Variants in CNTLN observed in about 807,000 individuals in gnomAD.
CNTLN encodes centlein, centrosomal protein.
CNTLN carries 212 observed loss-of-function variants against 180.0 expected under a neutral mutation model. The ratio of observed to expected loss-of-function variants is 1.18; its 90% CI spans 1.05 to 1.32. The LOEUF is 1.32. Ranked by LOEUF, CNTLN falls within the 40% of genes most tolerant of loss-of-function variation. The probability of loss-of-function intolerance (pLI) is 0.00; values close to 1 mark genes in which losing one functional copy is unlikely to be tolerated. For synonymous variants in CNTLN, 722 were observed against 563.1 expected (o/e 1.28, Z -3.99); for missense variants, 2,095 against 1,610.9 (o/e 1.30, Z -5.14).
chr9:17,385,283 T>G (rs1294166085), intron 13 of CNTLN, among the ~76,000 whole-genome samples: 2 of 152,218 alleles, frequency 1.3e-5, no homozygotes, highest in Non-Finnish European at 2.9e-5. Flanking sequence ...TTCCATTAAG[T>G]AGCCATCATT....
At chr9:17,513,672 C>A in the CNTLN span, among the ~76,000 whole-genome samples, 1 of 151,984 alleles carries the variant, frequency 6.6e-6, no homozygotes, top group African/African-American at 2.4e-5. Context: ...ACTCCACACT[C>A]CAGCCTGGGC....
At chr9:17,444,029 A>C (rs553960536) in intron 18 of CNTLN, among the ~76,000 whole-genome samples, 1 of 152,364 alleles carries the variant, frequency 6.6e-6, no homozygotes, top group Non-Finnish European at 1.5e-5. Context: ...CTGTATTAAC[A>C]AGACTGTCTT....
chr9:17,226,574 C>T (rs1587244072), intron 3 of CNTLN, among the ~76,000 whole-genome samples: 2 of 151,842 alleles, frequency 1.3e-5, no homozygotes, highest in East Asian at 3.9e-4. Context: ...ACATTATTAG[C>T]AGTTATCATT....
At chr9:17,511,664 A>T in the CNTLN span, among the ~76,000 whole-genome samples, 1,074 of 151,724 alleles carry the variant, frequency 7.1e-3, 6 homozygotes, top group East Asian at 0.011. Flanking sequence ...ACACACACAC[A>T]CACACACGCA....
At chr9:17,137,054 C>G (rs779254600) in intron 1 of CNTLN, among the ~76,000 whole-genome samples, 4 of 152,292 alleles carry the variant, frequency 2.6e-5, no homozygotes, top group Admixed American at 6.5e-5. Context: ...CTATTGGAAA[C>G]AGCCTGATGA....
intron 10 of CNTLN, among the ~76,000 whole-genome samples, chr9:17,338,533 A>G (rs1258196081): frequency 2.6e-5 from 4 of 151,568 alleles, no homozygotes; most frequent in African/African-American, 9.7e-5. Context: ...GAAATCACTA[A>G]TATTGTTTTC....
At chr9:17,465,467 T>C (rs1040694044) in intron 21 of CNTLN, among the ~76,000 whole-genome samples, 1 of 150,582 alleles carries the variant, frequency 6.6e-6, no homozygotes, top group African/African-American at 2.4e-5. Context: ...CATATATCTT[T>C]AGTGGCATTA....
At position 17,257,040 on chromosome 9, in the gene CNTLN, T is replaced by C. The variant is rs2132322479; in HGVS notation, c.850-16693T>C. Among the ~76,000 whole-genome samples, 2 of 152,164 alleles carry C rather than the reference T, an allele frequency of 1.3e-5. 1 individual carries two copies. The highest frequency in any genetic ancestry group is 4.8e-5 in the African/African-American group (2 of 41,530). On this transcript the variant is annotated intron_variant, in intron 5 of 25. Transcript: ENST00000380647. The stretch of plus-strand genomic sequence containing the variant: ...GTGCACATTGTGCAGGTTAGTTACA[T>C]ATGTATACATGTGCCATGCTGGTGC...
chr9:17,377,257 A>C (rs1312913623), intron 13 of CNTLN, among the ~76,000 whole-genome samples: 1 of 152,164 alleles, frequency 6.6e-6, no homozygotes, highest in Non-Finnish European at 1.5e-5. Flanking sequence ...GATAAAATTC[A>C]AAGTATTACT....
At chr9:17,200,563 C>T (rs556149744) in intron 2 of CNTLN, among the ~76,000 whole-genome samples, 2 of 152,102 alleles carry the variant, frequency 1.3e-5, no homozygotes, top group East Asian at 3.9e-4. Context: ...TCCCTTGTAA[C>T]ATGTATTCCT....
At chr9:17,175,310 A>G (rs191230574) in intron 2 of CNTLN, among the ~76,000 whole-genome samples, 13 of 152,162 alleles carry the variant, frequency 8.5e-5, no homozygotes, top group Admixed American at 2.0e-4. Context: ...TTGAGTTACT[A>G]TTTGTTTAAG....
intron 2 of CNTLN, among the ~76,000 whole-genome samples, chr9:17,212,164 C>T (rs530477944): frequency 8.5e-5 from 13 of 152,168 alleles, no homozygotes; most frequent in African/African-American, 3.1e-4. Flanking sequence ...CAGTTTTTGC[C>T]CATTCAGTAT....
intron 5 of CNTLN, 29 bp from the exon 6 acceptor site, chr9:17,273,704 G>T: frequency 8.1e-7 from 1 of 1,233,072 alleles, no homozygotes; most frequent in Non-Finnish European, 1.1e-6. Context: ...TATTATGTTT[G>T]ATTATTGATA....
At chr9:17,192,097 C>T (rs976494525) in intron 2 of CNTLN, among the ~76,000 whole-genome samples, 1 of 152,056 alleles carries the variant, frequency 6.6e-6, no homozygotes, top group African/African-American at 2.4e-5. Context: ...ATTTGTGATT[C>T]TATGTGTTCA....
At chr9:17,177,119 C>G (rs919974263) in intron 2 of CNTLN, among the ~76,000 whole-genome samples, 2 of 151,918 alleles carry the variant, frequency 1.3e-5, no homozygotes, top group African/African-American at 4.8e-5. Context: ...CAATAATTTT[C>G]AGTTTCTTGG....
intron 12 of CNTLN, among the ~76,000 whole-genome samples, chr9:17,362,153 C>T (rs920209036): frequency 6.6e-6 from 1 of 152,172 alleles, no homozygotes; most frequent in Non-Finnish European, 1.5e-5. Context: ...TTTTAAGAAG[C>T]AAGAAATAAC....
At chr9:17,441,202 G>T (rs1461288293) in intron 18 of CNTLN, among the ~76,000 whole-genome samples, 1 of 152,092 alleles carries the variant, frequency 6.6e-6, no homozygotes, top group Non-Finnish European at 1.5e-5. Context: ...TTTCTTAGAA[G>T]AAATACTAAA....
intron 6 of CNTLN, among the ~76,000 whole-genome samples, chr9:17,278,617 A>G (rs908174588): frequency 2.6e-5 from 4 of 152,146 alleles, no homozygotes; most frequent in Non-Finnish European, 5.9e-5. Flanking sequence ...TACTGCATAT[A>G]GTTTTACTGT....
Position 17,409,351 on chromosome 9 carries a change from C to A in CNTLN, c.2674C>A (p.Gln892Lys). The A allele has an allele frequency of 6.2e-7, 1 of 1,613,188 alleles. No individual in the cohort carries two copies. The highest frequency in any genetic ancestry group is 1.3e-5 in the African/African-American group (1 of 74,952). ...TLGTIIVETS[Q>K]KISPTEDGKD... is the part of the protein sequence containing the mutation. ...GGGAACAATTATTGTAGAAACATCC[C>A]AGAAAATAAGTCCTACGGAAGATGG... The change falls in exon 16 of 26, where the codon CAG (glutamine) becomes AAG (lysine). Residue 892 changes from glutamine to lysine, a missense_variant. Coordinates refer to ENST00000380647, the MANE Select transcript of CNTLN (RefSeq NM_017738.4).
Sources: allele counts gnomAD v4.1 joint callset (sites outside exome capture counted in the v4.1 genomes callset), GRCh38; gene constraint gnomAD v4.1.1; transcripts MANE v1.5; gene names NCBI Gene and HGNC (gene_info 2026-07-23, HGNC 2026-07-21).